The following CGNL1 variants were observed in gnomAD, a reference collection of about 807,000 sequenced individuals.
CGNL1 encodes the protein cingulin-like protein 1.
A neutral mutation model predicts 141.2 loss-of-function variants in CGNL1; 132 were observed. The observed-to-expected ratio is 0.93, with a 90% CI of 0.81 to 1.08. The LOEUF (loss-of-function observed/expected upper bound fraction) is 1.08. Among genes scored for constraint, CGNL1 ranks in the 50% least tolerant of loss-of-function variants. The probability of loss-of-function intolerance (pLI) is 0.00; values close to 1 mark genes in which losing one functional copy is unlikely to be tolerated. For synonymous variants in CGNL1, 690 were observed against 622.1 expected (o/e 1.11, Z -1.63); for missense variants, 1,870 against 1,588.6 (o/e 1.18, Z -3.01).
intron 1 of CGNL1, chr15:57,405,818 CTTTCTTTCTTTTTCTTTCT>C (rs1456976751): frequency 8.5e-5 from 8 of 93,676 alleles, no homozygotes; most frequent in African/African-American, 1.2e-4. Context: ...TTCCTTCTTT[CTTTCTTTCTTTTTCTTTCT>C]TTTCTTTTTC....
chr15:57,475,220 C>T (rs1221310895), intron 8 of CGNL1, among the ~76,000 whole-genome samples: 1 of 152,204 alleles, frequency 6.6e-6, no homozygotes, highest in Non-Finnish European at 1.5e-5. Flanking sequence ...TGCCTGGTCT[C>T]CAAGGCCTGC....
chr15:57,502,638 G>A (rs188493302), intron 8 of CGNL1, among the ~76,000 whole-genome samples: 1 of 152,288 alleles, frequency 6.6e-6, no homozygotes, highest in Admixed American at 6.5e-5. Context: ...TATGACCTTA[G>A]AGACCTCAGA....
chr15:57,507,521 TG>T (rs551548630), intron 8 of CGNL1, among the ~76,000 whole-genome samples: 118 of 152,276 alleles, frequency 7.7e-4, no homozygotes, highest in African/African-American at 2.6e-3. Context: ...TAGGAAAAAC[TG>T]GGTAATTGAA....
intron 10 of CGNL1, among the ~76,000 whole-genome samples, chr15:57,521,010 G>A (rs773319184): frequency 4.1e-4 from 63 of 152,090 alleles, no homozygotes; most frequent in Non-Finnish European, 6.6e-4. Flanking sequence ...CCCGTGTTGC[G>A]CCTCAGATTC....
intron 8 of CGNL1, among the ~76,000 whole-genome samples, chr15:57,482,195 A>G (rs1267167336): frequency 6.6e-6 from 1 of 152,098 alleles, no homozygotes; most frequent in Non-Finnish European, 1.5e-5. Flanking sequence ...TGTGGTTTGT[A>G]AAGACATTCT....
intron 4 of CGNL1, among the ~76,000 whole-genome samples, chr15:57,449,914 T>A (rs1350513369): frequency 6.6e-6 from 1 of 152,226 alleles, no homozygotes; most frequent in East Asian, 1.9e-4. Context: ...GTATTGAGTA[T>A]TAATATTCCA....
intron 1 of CGNL1, among the ~76,000 whole-genome samples, chr15:57,413,243 C>CTCCG (rs1414848428): frequency 2.1e-5 from 3 of 144,436 alleles, no homozygotes; most frequent in Non-Finnish European, 4.6e-5. Context: ...CCCTCCCTCC[C>CTCCG]TTCTTCCCTC....
At chr15:57,546,044 C>T (rs375803857) in intron 17 of CGNL1, 32 bp from the exon 18 acceptor site, 96 of 1,595,374 alleles carry the variant, frequency 6.0e-5, no homozygotes, top group East Asian at 1.6e-4. Context: ...GGCCATCAGC[C>T]GGCACTCAGC....
intron 1 of CGNL1, among the ~76,000 whole-genome samples, chr15:57,394,614 ATTC>A (rs545080377): frequency 3.3e-5 from 5 of 152,330 alleles, no homozygotes; most frequent in Admixed American, 3.3e-4. Flanking sequence ...TGTACAGGTT[ATTC>A]TTGTAAATTG....
intron 1 of CGNL1, among the ~76,000 whole-genome samples, chr15:57,383,631 CTTTTTTTTT>C (rs745909275): frequency 2.6e-5 from 1 of 37,978 alleles, no homozygotes. Context: ...CTTTTCTTTT[CTTTTTTTTT>C]TTGAGATAAT....
intron 14 of CGNL1, among the ~76,000 whole-genome samples, chr15:57,541,699 AC>A (rs1490045378): frequency 6.6e-6 from 1 of 152,148 alleles, no homozygotes; most frequent in Non-Finnish European, 1.5e-5. Flanking sequence ...AATCCTTTTC[AC>A]TTAGATGGTC....
At chr15:57,516,657 G>A in intron 8 of CGNL1, 123 bp from the exon 9 acceptor site, 1 of 1,013,078 alleles carries the variant, frequency 9.9e-7, no homozygotes, top group Non-Finnish European at 1.5e-6. Flanking sequence ...CCGACCCCTG[G>A]CTCAGCACAG....
At chr15:57,512,190 G>A (rs1468062667) in intron 8 of CGNL1, among the ~76,000 whole-genome samples, 1 of 152,212 alleles carries the variant, frequency 6.6e-6, no homozygotes, top group African/African-American at 2.4e-5. Context: ...GAACTTTGAA[G>A]GTCCTCTCTG....
Position 57,518,490 on chromosome 15 carries a change from C to A in CGNL1, c.2708C>A (p.Ala903Asp), listed in dbSNP as rs772564648. The A allele has an allele frequency of 1.2e-6, 2 of 1,607,656 alleles. No homozygotes were observed. Among genetic ancestry groups the A allele is most frequent in the Non-Finnish European group, 1.7e-6 (2 of 1,176,318 alleles). Residue 903 changes from alanine to aspartate, a missense_variant, in exon 10 of 19, where the codon GCT becomes GAT. Physicochemically the swap from Ala to Asp is moderately radical, Grantham distance 126. Transcript: ENST00000281282. ...AGGGCCCTGGAGAATGAACTGGAGG[C>A]TGCTCAGGTAAACACCAAGGGCTGT... ...ARRALENELEAAQGNLSQTTQ... is the reference protein window; with the variant it reads ...ARRALENELEDAQGNLSQTTQ...
intron 1 of CGNL1, among the ~76,000 whole-genome samples, chr15:57,378,529 C>T (rs1232419945): frequency 6.6e-6 from 1 of 151,694 alleles, no homozygotes; most frequent in Non-Finnish European, 1.5e-5. Context: ...TTACAGGCAC[C>T]CGCTACCATG....
chr15:57,533,758 G>GC lies in CGNL1; in HGVS notation c.3291+1980dup, dbSNP rs775025318. On this transcript the variant is annotated intron_variant, in intron 14 of 18. Transcript: ENST00000281282. ...GACACTTCTTTTTCCTTTCAACTGA[G>GC]CACTTGGATCATGGGGAATAGAACT... 6.2e-4 allele frequency among the ~76,000 whole-genome samples: 94 copies of GC among 152,342 alleles called. 1 individual carries two copies. Among genetic ancestry groups the GC allele is most frequent in the Middle Eastern group, 3.4e-3 (1 of 294 alleles).
chr15:57,505,681 T>C (rs757641694), intron 8 of CGNL1, among the ~76,000 whole-genome samples: 3 of 152,168 alleles, frequency 2.0e-5, no homozygotes, highest in Non-Finnish European at 4.4e-5. Context: ...CGAGACCATG[T>C]CCTTTTCTTT....
chr15:57,405,200 G>C (rs2062702148), intron 1 of CGNL1: 1 of 152,198 alleles, frequency 6.6e-6, no homozygotes, highest in Admixed American at 6.5e-5. Context: ...TAAAGTGTAA[G>C]GTGCTGCGTC....
intron 8 of CGNL1, among the ~76,000 whole-genome samples, chr15:57,492,411 G>T (rs764374239): frequency 2.0e-5 from 3 of 152,160 alleles, no homozygotes; most frequent in Non-Finnish European, 4.4e-5. Context: ...CATTTGCAAG[G>T]AAACTTTGTG....
Sources: gnomAD v4.1 joint callset for allele counts (sites outside exome capture counted in the v4.1 genomes callset) on GRCh38, gnomAD v4.1.1 for gene constraint, MANE v1.5 for transcripts, NCBI Gene and HGNC (gene_info 2026-07-23, HGNC 2026-07-21) for gene names.